Variants in LRRTM4 observed in about 807,000 individuals in gnomAD.
LRRTM4 encodes leucine rich repeat transmembrane neuronal 4.
A neutral mutation model predicts 47.6 loss-of-function variants in LRRTM4; 25 were observed. The ratio of observed to expected loss-of-function variants is 0.53; its 90% CI spans 0.38 to 0.73. LRRTM4 has a LOEUF of 0.73. Ranked by LOEUF, LRRTM4 falls within the 30% of genes least tolerant of loss-of-function variation. The pLI, the probability that LRRTM4 is intolerant of heterozygous loss-of-function variation, is 0.00. For missense variants in LRRTM4, 638 were observed against 713.4 expected, an observed-to-expected ratio of 0.89 and a Z score of 1.20; for synonymous variants, 311 against 269.5, an observed-to-expected ratio of 1.15 and a Z score of -1.51.
chr2:76,896,061 G>T (rs956298570), intron 3 of LRRTM4, among the ~76,000 whole-genome samples: 5 of 151,794 alleles, frequency 3.3e-5, no homozygotes, highest in African/African-American at 1.2e-4. Flanking sequence ...AAAACACTTT[G>T]GTTTTATACC....
chr2:77,155,304 G>A (rs2103794208), intron 3 of LRRTM4, among the ~76,000 whole-genome samples: 1 of 151,250 alleles, frequency 6.6e-6, no homozygotes, highest in East Asian at 1.9e-4. Context: ...ATAAGCCAAA[G>A]GTAAAGTAAG....
At position 76,967,417 on chromosome 2, in the gene LRRTM4, G is replaced by T. The variant is rs182941682; in HGVS notation, c.1552-218501C>A. Among the ~76,000 whole-genome samples, 9 of 151,512 alleles carry T rather than the reference G, an allele frequency of 5.9e-5. No homozygotes were observed. In the East Asian group the frequency reaches 1.8e-3, roughly 30 times the overall value. On this transcript the variant is annotated intron_variant, in intron 3 of 3. Coordinates refer to ENST00000409884, the MANE Select transcript of LRRTM4 (RefSeq NM_001134745.3). ...ACATTGGAGTAGATCTTTCTGTGTT[G>T]CAATTTTGATCATGTCACTTCCAAC...
intron 3 of LRRTM4, among the ~76,000 whole-genome samples, chr2:77,228,742 A>G (rs1674883239): frequency 6.6e-6 from 1 of 152,214 alleles, no homozygotes; most frequent in Non-Finnish European, 1.5e-5. Context: ...TGTTCATATC[A>G]GGAGAAGAGC....
intron 3 of LRRTM4, among the ~76,000 whole-genome samples, chr2:76,901,256 G>A (rs1477328487): frequency 1.3e-5 from 2 of 151,976 alleles, no homozygotes; most frequent in Non-Finnish European, 2.9e-5. Context: ...CTGTGTCCAT[G>A]TGATCTCCTT....
intron 3 of LRRTM4, among the ~76,000 whole-genome samples, chr2:76,817,802 G>A (rs931960412): frequency 3.9e-5 from 6 of 151,916 alleles, no homozygotes; most frequent in Admixed American, 2.0e-4. Context: ...TCAAATTTGC[G>A]TTAACGAATC....
intron 3 of LRRTM4, among the ~76,000 whole-genome samples, chr2:77,381,269 G>T (rs1178605353): frequency 6.6e-6 from 1 of 151,946 alleles, no homozygotes; most frequent in Non-Finnish European, 1.5e-5. Flanking sequence ...ATTTATAAGA[G>T]ATTACAGAAG....
chr2:77,423,842 T>A (rs1047965414), intron 3 of LRRTM4, among the ~76,000 whole-genome samples: 1 of 152,110 alleles, frequency 6.6e-6, no homozygotes, highest in African/African-American at 2.4e-5. Context: ...AGTGAGCCAA[T>A]TCATAGTATA....
intron 3 of LRRTM4, among the ~76,000 whole-genome samples, chr2:77,042,082 A>T (rs901558049): frequency 1.3e-5 from 2 of 151,514 alleles, no homozygotes; most frequent in African/African-American, 4.8e-5. Context: ...GAGGAAGAGT[A>T]TTACTTGAAC....
intron 3 of LRRTM4, among the ~76,000 whole-genome samples, chr2:76,988,493 T>A (rs1486005880): frequency 6.6e-6 from 1 of 151,828 alleles, no homozygotes; most frequent in African/African-American, 2.4e-5. Context: ...GTTTTCTTTT[T>A]TCCCTTATGC....
intron 3 of LRRTM4, among the ~76,000 whole-genome samples, chr2:77,024,495 TA>T (rs35116332): frequency 3.0e-3 from 390 of 129,948 alleles, no homozygotes; most frequent in East Asian, 3.2e-3. Context: ...GGTCTAGAAT[TA>T]AAAAAAAAAA....
At chr2:76,971,452 A>G (rs1676216275) in intron 3 of LRRTM4, among the ~76,000 whole-genome samples, 1 of 152,060 alleles carries the variant, frequency 6.6e-6, no homozygotes, top group East Asian at 1.9e-4. Flanking sequence ...TTGAGTTTCA[A>G]TGGGAAGGCC....
chr2:77,472,523 T>A (rs1677230351), intron 3 of LRRTM4, among the ~76,000 whole-genome samples: 2 of 152,036 alleles, frequency 1.3e-5, no homozygotes, highest in Non-Finnish European at 2.9e-5. Flanking sequence ...GTGTTCTTTT[T>A]TTTTTTCATC....
chr2:77,156,455 G>A (rs1672563062), intron 3 of LRRTM4, among the ~76,000 whole-genome samples: 1 of 151,810 alleles, frequency 6.6e-6, no homozygotes, highest in African/African-American at 2.4e-5. Flanking sequence ...TTCAAGCATG[G>A]GAATTGGGAT....
intron 3 of LRRTM4, among the ~76,000 whole-genome samples, chr2:77,494,570 C>G (rs567045297): frequency 6.7e-6 from 1 of 149,258 alleles, no homozygotes; most frequent in Non-Finnish European, 1.5e-5. Flanking sequence ...ATCCCCAGAT[C>G]TATGTACTGC....
chr2:77,093,850 A>G (rs1670727630), intron 3 of LRRTM4, among the ~76,000 whole-genome samples: 1 of 151,842 alleles, frequency 6.6e-6, no homozygotes, highest in South Asian at 2.1e-4. Flanking sequence ...TGATGACATT[A>G]CCTTGTGAAA....
intron 3 of LRRTM4, among the ~76,000 whole-genome samples, chr2:77,067,746 G>T (rs900036762): frequency 1.4e-5 from 2 of 143,116 alleles, no homozygotes; most frequent in African/African-American, 2.7e-5. Context: ...TGAAGAAAAC[G>T]GAAGTCACAG....
At chr2:77,420,967 AC>A (rs2103881158) in intron 3 of LRRTM4, among the ~76,000 whole-genome samples, 1 of 150,126 alleles carries the variant, frequency 6.7e-6, no homozygotes, top group Admixed American at 6.7e-5. Context: ...TGAAAAAAAG[AC>A]AAGGCTCCTT....
intron 3 of LRRTM4, among the ~76,000 whole-genome samples, chr2:77,378,412 C>T (rs186775407): frequency 5.5e-4 from 83 of 152,080 alleles, no homozygotes; most frequent in Middle Eastern, 3.4e-3. Flanking sequence ...TAAATTTATT[C>T]TAGATATGTG....
intron 3 of LRRTM4, among the ~76,000 whole-genome samples, chr2:77,441,973 G>C (rs1253670698): frequency 6.6e-6 from 1 of 152,134 alleles, no homozygotes; most frequent in Non-Finnish European, 1.5e-5. Context: ...GATGTCACCA[G>C]CTTGGAAAAA....
Sources: gnomAD v4.1 joint callset for allele counts (sites outside exome capture counted in the v4.1 genomes callset) on GRCh38, gnomAD v4.1.1 for gene constraint, MANE v1.5 for transcripts, NCBI Gene and HGNC (gene_info 2026-07-23, HGNC 2026-07-21) for gene names.